Variants in SKA3 observed in about 807,000 individuals in gnomAD.
SKA3 encodes spindle and kinetochore-associated protein 3.
SKA3 carries 39 observed loss-of-function variants against 44.2 expected under a neutral mutation model. The ratio of observed to expected loss-of-function variants is 0.88; its 90% CI spans 0.68 to 1.15. The LOEUF (loss-of-function observed/expected upper bound fraction) is 1.15, where lower values mean the gene tolerates loss of function less well. Ranked by LOEUF, SKA3 falls within the 50% of genes most tolerant of loss-of-function variation. The pLI is 0.00. For synonymous variants in SKA3, 192 were observed against 172.0 expected (o/e 1.12, Z -0.91); for missense variants, 511 against 485.8 (o/e 1.05, Z -0.49).
chr13:21,163,868 ATTC>A (rs2137367375), intron 4 of SKA3, among the ~76,000 whole-genome samples: 1 of 152,260 alleles, frequency 6.6e-6, no homozygotes, highest in South Asian at 2.1e-4. Context: ...GGTTCAAACA[ATTC>A]TTCTCTATGA....
rs373439675 is a variant in SKA3, at chr13:21,159,883, C to A, written c.915+19G>T. On this transcript the variant is annotated intron_variant, in intron 6 of 8. Coordinates refer to ENST00000314759, the MANE Select transcript of SKA3 (RefSeq NM_145061.6). ...TCTTTAGGAGAAAGACTGTGGCTTTCAATTTTATGGAAAGTTACCAAAGCT... is the reference window on the plus strand; with the variant it reads ...TCTTTAGGAGAAAGACTGTGGCTTTAAATTTTATGGAAAGTTACCAAAGCT... 3 of 1,183,530 alleles carry A rather than the reference C, an allele frequency of 2.5e-6. No individual in the cohort carries two copies. Among genetic ancestry groups the A allele is most frequent in the Non-Finnish European group, 3.4e-6 (3 of 891,794 alleles). 73.3% of individuals were successfully genotyped at this position (1,183,530 alleles called of 1,614,324 possible).
intron 8 of SKA3, 89 bp from the exon 9 acceptor site, chr13:21,155,239 A>C (rs1870046144): frequency 1.0e-6 from 1 of 962,500 alleles, no homozygotes; most frequent in Admixed American, 2.7e-5. Flanking sequence ...TATATTTTAC[A>C]CTTATAAAAT....
chr13:21,155,571 TA>T, intron 8 of SKA3, 121 bp downstream of exon 8: 1 of 680,864 alleles, frequency 1.5e-6, no homozygotes, highest in Non-Finnish European at 2.6e-6. Flanking sequence ...CACACCTGGC[TA>T]ATTTTTGTAT....
At position 21,168,250 on chromosome 13, in the gene SKA3, A is replaced by G; in HGVS notation, c.481T>C (p.Phe161Leu). 6.2e-7 allele frequency: 1 copy of G among 1,614,174 alleles called. No homozygotes were observed. The highest frequency in any genetic ancestry group is 1.1e-5 in the South Asian group (1 of 91,080). ...GATACGATGTACCGCTCAAGTCCAA[A>G]ATCTGAAAGTTGTGGACTACGTGGA... Reference protein sequence around the residue: ...KSPRSPQLSDFGLERYIVSQV... With the variant: ...KSPRSPQLSDLGLERYIVSQV... The change falls in exon 4 of 9, where the codon TTT (phenylalanine) becomes CTT (leucine). Residue 161 changes from phenylalanine (F) to leucine (L), a missense_variant. Coordinates refer to ENST00000314759, the MANE Select transcript of SKA3 (RefSeq NM_145061.6).
intron 1 of SKA3, among the ~76,000 whole-genome samples, chr13:21,176,010 G>A (rs1407541192): frequency 6.6e-6 from 1 of 152,272 alleles, no homozygotes; most frequent in Middle Eastern, 3.4e-3. Flanking sequence ...AGCATATCAC[G>A]TATAAATTAG....
intron 1 of SKA3, among the ~76,000 whole-genome samples, chr13:21,174,219 C>T (rs548346974): frequency 2.0e-5 from 3 of 152,194 alleles, no homozygotes; most frequent in Non-Finnish European, 4.4e-5. Context: ...TACCATTTGA[C>T]CCAGCCATCC....
chr13:21,153,728 A>G lies in SKA3; in HGVS notation c.*1422T>C, dbSNP rs1181059135. ...ATTACTCTGCCCCTTTCCATCCTCT[A>G]AAGTTGGGAGAACTCCAGGATTTGG... On this transcript the variant is annotated 3_prime_UTR_variant, in exon 9 of 9. Coordinates refer to ENST00000314759, the MANE Select transcript of SKA3 (RefSeq NM_145061.6). 4 of 152,222 alleles carry G rather than the reference A, an allele frequency of 2.6e-5. No homozygotes were observed. The highest frequency in any genetic ancestry group is 7.2e-5 in the African/African-American group (3 of 41,404). The allele number at this position is 152,222 out of a possible 1,614,324, so 9.4% of individuals were successfully genotyped here.
chr13:21,159,340 T>A (rs1870307377), intron 6 of SKA3, among the ~76,000 whole-genome samples: 1 of 152,156 alleles, frequency 6.6e-6, no homozygotes. Flanking sequence ...TGGTAAAATT[T>A]AGGGGAAAAA....
Position 21,154,144 on chromosome 13 carries a change from C to T in SKA3, c.*1006G>A, listed in dbSNP as rs189908433. 1.3e-5 allele frequency: 2 copies of T among 152,312 alleles called. No homozygotes were observed. The highest frequency in any genetic ancestry group is 3.9e-4 in the East Asian group (2 of 5,188). 9.4% of individuals were successfully genotyped at this position (152,312 alleles called of 1,614,324 possible). A position where few individuals can be genotyped will look rare whatever the true frequency, so the allele number is the denominator to read the frequency against. On this transcript the variant is annotated 3_prime_UTR_variant, in exon 9 of 9. Coordinates refer to ENST00000314759, the MANE Select transcript of SKA3 (RefSeq NM_145061.6). ...GCCTTTGAAGTAAGTTGACATAATA[C>T]TTGTTGTTTCTTCTCAAATTTTTAA...
Position 21,168,153 on chromosome 13 carries a change from G to A in SKA3, c.578C>T (p.Thr193Ile), listed in dbSNP as rs1432245826. The A allele has an allele frequency of 7.4e-6, 12 of 1,613,964 alleles. No individual in the cohort carries two copies. In the East Asian group the frequency reaches 2.7e-4, roughly 36 times the overall value. Residue 193 changes from threonine to isoleucine, a missense_variant, in exon 4 of 9, where the codon ACC becomes ATC. Transcript: ENST00000314759. ...TAGTACTTTTACTAGTGATTGTTTG[G>A]TAGGTGGGGTTACAATTACGGGCTC... is the stretch of plus-strand genomic sequence containing the variant. ...KEEPVIVTPP[T>I]KQSLVKVLKT...
Position 21,176,464 on chromosome 13 carries a change from C to T in SKA3, c.14G>A (p.Arg5Gln). 7 of 1,569,922 alleles carry T rather than the reference C, an allele frequency of 4.5e-6. No individual in the cohort carries two copies. Among genetic ancestry groups the T allele is most frequent in the Non-Finnish European group, 6.0e-6 (7 of 1,158,272 alleles). MDPI[R>Q]SFCGKLRSLA... Reference sequence around the variant, plus strand: ...AGACCGCAGCTTCCCGCAGAAGCTCCGGATAGGGTCCATGCTGAGCACAGC... The same window carrying T: ...AGACCGCAGCTTCCCGCAGAAGCTCTGGATAGGGTCCATGCTGAGCACAGC... Residue 5 changes from arginine (R) to glutamine (Q), a missense_variant, in exon 1 of 9, where the codon CGG (arginine) becomes CAG (glutamine). Arg to Gln is a conservative substitution (Grantham distance 43). Coordinates refer to ENST00000314759, the MANE Select transcript of SKA3 (RefSeq NM_145061.6).
intron 7 of SKA3, among the ~76,000 whole-genome samples, chr13:21,157,362 C>T (rs1393265294): frequency 1.3e-5 from 2 of 152,196 alleles, no homozygotes; most frequent in Admixed American, 1.3e-4. Context: ...CACACCTAGG[C>T]TATATGGTAT....
intron 1 of SKA3, among the ~76,000 whole-genome samples, chr13:21,175,252 A>C (rs1271247603): frequency 6.6e-6 from 1 of 151,334 alleles, no homozygotes; most frequent in Non-Finnish European, 1.5e-5. Flanking sequence ...TGCTGGGATT[A>C]CAGGCGTGTG....
Position 21,157,911 on chromosome 13 carries a change from G to A in SKA3, c.1119+11C>T. On this transcript the variant is annotated intron_variant, in intron 7 of 8. Transcript: ENST00000314759. ...CAGCAAAAAAAAAAAAAAATAGCCT[G>A]GAAAAATAACCTGGAGAATATCTTC... 1 of 1,484,348 alleles carries A rather than the reference G, an allele frequency of 6.7e-7. No individual in the cohort carries two copies. The highest frequency in any genetic ancestry group is 1.3e-5 in the South Asian group (1 of 78,192). 91.9% of individuals were successfully genotyped at this position (1,484,348 alleles called of 1,614,324 possible).
rs752673165 is a variant in SKA3 at position 21,161,851 on chromosome 13, G to C, written c.768C>G (p.Ser256=). Residue 256 remains serine, a synonymous_variant, in exon 5 of 9, where the codon TCC becomes TCG. Transcript: ENST00000314759. The stretch of plus-strand genomic sequence containing the variant: ...TGGCAAAAACATTATCATTGAGCCT[G>C]GATTCTGTATCTATGGCCTCCTCAC... ...NKSEEAIDTE[S]RLNDNVFATP... is the part of the protein sequence containing the mutation. 6.2e-7 allele frequency: 1 copy of C among 1,612,198 alleles called. No individual in the cohort carries two copies. The highest frequency in any genetic ancestry group is 1.1e-5 in the South Asian group (1 of 90,804).
At position 21,167,491 on chromosome 13, in the gene SKA3, G is replaced by A. The variant is rs537472216; in HGVS notation, c.743+497C>T. On this transcript the variant is annotated intron_variant, in intron 4 of 8. Coordinates refer to ENST00000314759, the MANE Select transcript of SKA3 (RefSeq NM_145061.6). ...TACCACTAAAGAACTTATTGGCCGG[G>A]CGCGGTGGCTCACGCCTGTAATCCC... 3.3e-5 allele frequency among the ~76,000 whole-genome samples: 5 copies of A among 152,238 alleles called. No individual in the cohort carries two copies. In the South Asian group the frequency reaches 1.0e-3, roughly 32 times the overall value.
At chr13:21,163,639 GAT>G (rs1160051513) in intron 4 of SKA3, among the ~76,000 whole-genome samples, 1 of 152,058 alleles carries the variant, frequency 6.6e-6, no homozygotes, top group Admixed American at 6.6e-5. Context: ...AAAACATCTG[GAT>G]ATGTTTTAGC....
chr13:21,162,321 G>A (rs1471116579), intron 4 of SKA3, among the ~76,000 whole-genome samples: 1 of 151,784 alleles, frequency 6.6e-6, no homozygotes, highest in Non-Finnish European at 1.5e-5. Flanking sequence ...TTCCAGTTTT[G>A]AATTTAAACA....
At chr13:21,157,767 T>G (rs532389826) in intron 7 of SKA3, among the ~76,000 whole-genome samples, 155 bp downstream of exon 7, 38 of 152,064 alleles carry the variant, frequency 2.5e-4, no homozygotes, top group African/African-American at 8.0e-4. Context: ...GAAAATAAGG[T>G]CCTGACAGCT....
Sources: allele counts gnomAD v4.1 joint callset (sites outside exome capture counted in the v4.1 genomes callset), GRCh38; gene constraint gnomAD v4.1.1; transcripts MANE v1.5; gene names NCBI Gene and HGNC (gene_info 2026-07-23, HGNC 2026-07-21).